The following PRB3 variants were observed in gnomAD, a reference collection of about 807,000 sequenced individuals.
PRB3 encodes proline rich protein BstNI subfamily 3.
A neutral mutation model predicts 10.0 loss-of-function variants in PRB3; 9 were observed. The ratio of observed to expected loss-of-function variants is 0.90; its 90% CI spans 0.54 to 1.57. PRB3 has a LOEUF of 1.57. Among genes scored for constraint, PRB3 ranks in the 40% most tolerant of loss-of-function variants. PRB3 has a pLI of 0.00. For synonymous variants in PRB3, 89 were observed against 138.6 expected, an observed-to-expected ratio of 0.64 and a Z score of 2.52; for missense variants, 285 against 385.5, an observed-to-expected ratio of 0.74 and a Z score of 2.18.
intron 3 of PRB3, 113 bp from the exon 4 acceptor site, chr12:11,266,142 A>T: frequency 2.6e-6 from 1 of 391,184 alleles, no homozygotes; most frequent in South Asian, 1.9e-5. Context: ...CTCTCTCCCC[A>T]ATCCCTTCAA....
At chr12:11,268,288 G>A in intron 2 of PRB3, 140 bp from the exon 3 acceptor site, 1 of 1,423,218 alleles carries the variant, frequency 7.0e-7, no homozygotes, top group Non-Finnish European at 9.7e-7. Flanking sequence ...GAACTCTGGA[G>A]TGGAATGCTG....
In PRB3 at chr12:11,267,920, G is replaced by T. The variant is rs1317016203; in HGVS notation, c.329C>A (p.Ser110Tyr). The T allele has an allele frequency of 6.5e-7, 1 of 1,543,262 alleles. No individual in the cohort carries two copies. The highest frequency in any genetic ancestry group is 1.8e-5 in the Admixed American group (1 of 54,790). Reference protein sequence around the residue: ...EGQPPQGGNQSQGPPPRPGKP... With the variant: ...EGQPPQGGNQYQGPPPRPGKP... Reference sequence around the variant, plus strand: ...TCCCGGACGAGGTGGGGGACCTTGGGACTGGTTTCCTCCTTGTGGGGGTTG... The same window carrying T: ...TCCCGGACGAGGTGGGGGACCTTGGTACTGGTTTCCTCCTTGTGGGGGTTG... Residue 110 changes from serine (S) to tyrosine (Y), a missense_variant, in exon 3 of 4, where the codon TCC becomes TAC. Ser to Tyr is a moderately radical substitution (Grantham distance 144, BLOSUM62 -2). Coordinates refer to ENST00000538488, the MANE Select transcript of PRB3 (RefSeq NM_001394862.1).
At chr12:11,269,570 G>C in intron 1 of PRB3, 36 bp downstream of exon 1, 3 of 1,610,550 alleles carry the variant, frequency 1.9e-6, no homozygotes, top group Non-Finnish European at 2.5e-6. Flanking sequence ...TAAGCCCCAA[G>C]CAGAGTCACC....
rs749750008 is a variant in PRB3, at chr12:11,267,368, T to A, written c.881A>T (p.Gln294Leu). The part of the protein sequence containing the change: ...HPGKPQGPPP[Q>L]EGNKPQRPPP... ...GGGACGTTGAGGTTTGTTACCTTCT[T>A]GTGGGGGTGGTCCTTGTGGCTTTCC... Residue 294 changes from glutamine to leucine, a missense_variant, in exon 3 of 4, where the codon CAA becomes CTA. Gln to Leu is a moderately radical substitution (Grantham distance 113, BLOSUM62 -2). Around this residue, in one of 3 missense-constraint regions of PRB3, gnomAD observed 108 missense variants for 106.9 expected, o/e 1.01. Transcript: ENST00000538488. 1.7e-5 allele frequency: 27 copies of A among 1,548,752 alleles called. No homozygotes were observed. The South Asian group carries it at 2.9e-4, about 17-fold the overall frequency.
intron 3 of PRB3, among the ~76,000 whole-genome samples, chr12:11,266,692 C>T (rs1286220478): frequency 6.6e-6 from 1 of 152,142 alleles, no homozygotes; most frequent in Non-Finnish European, 1.5e-5. Flanking sequence ...TCATATTTTT[C>T]CATTCCATTA....
rs375160745 is a variant in PRB3 at position 11,268,616 on chromosome 12, A to G, written c.100+17T>C. On this transcript the variant is annotated intron_variant, in intron 2 of 3. Transcript: ENST00000538488. ...AAGAAGATAGTTAAAACAGATTGAG[A>G]GTGAATTGGGATTTACCTGATATTA... 4.1e-5 allele frequency: 66 copies of G among 1,599,442 alleles called. No homozygotes were observed. Among genetic ancestry groups the G allele is most frequent in the Non-Finnish European group, 5.5e-5 (64 of 1,166,690 alleles).
In PRB3 at chr12:11,267,194, T is replaced by G. The variant is rs1288386891; in HGVS notation, c.1055A>C (p.Ter352SerextTer8). ...ATCATACCTGTCATTGAACCTTGAT[T>G]ACTGGGGAGGCTGTCCCTGGGGAGG... The part of the protein sequence containing the change: ...HRPPQGQPPQ[*>S] The change falls in exon 3 of 4, where the codon TAA becomes TCA. Residue 352 changes from the stop codon to serine (S), a stop_lost. Transcript: ENST00000538488. 1.2e-6 allele frequency: 2 copies of G among 1,610,162 alleles called. No homozygotes were observed. Among genetic ancestry groups the G allele is most frequent in the Non-Finnish European group, 1.7e-6 (2 of 1,176,574 alleles).
At position 11,265,925 on chromosome 12, in the gene PRB3, A is replaced by C. The variant is rs1948582700; in HGVS notation, c.*122T>G. 2.2e-6 allele frequency: 1 copy of C among 455,744 alleles called. No homozygotes were observed. Among genetic ancestry groups the C allele is most frequent in the Non-Finnish European group, 4.4e-6 (1 of 226,504 alleles). 28.2% of individuals were successfully genotyped at this position (455,744 alleles called of 1,614,324 possible). On this transcript the variant is annotated 3_prime_UTR_variant, in exon 4 of 4. Coordinates refer to ENST00000538488, the MANE Select transcript of PRB3 (RefSeq NM_001394862.1). ...AAGAGACACCACAATCAGAAATTGT[A>C]AGCTGTTTATTTTATTGGTATATTA...
intron 2 of PRB3, among the ~76,000 whole-genome samples, 159 bp downstream of exon 2, chr12:11,268,474 C>T (rs1160513491): frequency 6.6e-6 from 1 of 152,084 alleles, no homozygotes; most frequent in Non-Finnish European, 1.5e-5. Context: ...TGCTCATGGT[C>T]CCCAAAATCA....
chr12:11,269,441 A>G (rs1765644789), intron 1 of PRB3, among the ~76,000 whole-genome samples, 165 bp downstream of exon 1: 2 of 152,232 alleles, frequency 1.3e-5, no homozygotes, highest in African/African-American at 2.4e-5. Context: ...TAAATAAATT[A>G]GAAGCCCTTG....
intron 3 of PRB3, among the ~76,000 whole-genome samples, chr12:11,266,453 A>G (rs576981689): frequency 6.6e-6 from 1 of 152,340 alleles, no homozygotes; most frequent in African/African-American, 2.4e-5. Context: ...AAACCACTGA[A>G]GAGATGTATT....
At chr12:11,266,873 A>G (rs1343632681) in intron 3 of PRB3, among the ~76,000 whole-genome samples, 3 of 152,316 alleles carry the variant, frequency 2.0e-5, no homozygotes, top group Admixed American at 1.3e-4. Context: ...TTTAAATGCA[A>G]TATCTCTGAG....
intron 3 of PRB3, among the ~76,000 whole-genome samples, chr12:11,266,825 G>A (rs1007176893): frequency 5.9e-5 from 9 of 152,180 alleles, no homozygotes; most frequent in South Asian, 2.1e-4. Context: ...AGAGGCTGGC[G>A]TGAGGCAGGA....
At chr12:11,269,394 C>G (rs1225020977) in intron 1 of PRB3, among the ~76,000 whole-genome samples, 1 of 152,168 alleles carries the variant, frequency 6.6e-6, no homozygotes, top group East Asian at 1.9e-4. Context: ...TTCTCATTCC[C>G]CTGGTACAAA....
rs753690638 is a variant in PRB3, at chr12:11,268,126, T to A, written c.123A>T (p.Pro41=). ...VISGKPEGRR[P]QGGNQPQRTP... ...TACGTTGGGGCTGGTTTCCTCCTTG[T>A]GGGCGTCGTCCTTCTGGCTTTCCTG... Residue 41 remains proline, a synonymous_variant, in exon 3 of 4, where the codon CCA becomes CCT. Coordinates refer to ENST00000538488, the MANE Select transcript of PRB3 (RefSeq NM_001394862.1). 6.4e-6 allele frequency: 9 copies of A among 1,402,918 alleles called. No homozygotes were observed. In the South Asian group the frequency reaches 1.2e-4, roughly 19 times the overall value. The allele number at this position is 1,402,918 out of a possible 1,614,324, so 86.9% of individuals were successfully genotyped here.
At chr12:11,266,336 A>G (rs1323604590) in intron 3 of PRB3, among the ~76,000 whole-genome samples, 1 of 152,204 alleles carries the variant, frequency 6.6e-6, no homozygotes, top group Non-Finnish European at 1.5e-5. Context: ...CTATTTTATA[A>G]TAGTGATAAG....
At chr12:11,268,554 TGAGAA>T (rs1948619638) in intron 2 of PRB3, 74 bp downstream of exon 2, 2 of 1,489,094 alleles carry the variant, frequency 1.3e-6, no homozygotes, top group Admixed American at 3.3e-5. Flanking sequence ...AAAATGTTGG[TGAGAA>T]GACACTGGAG....
chr12:11,268,124 T>C lies in PRB3; in HGVS notation c.125A>G (p.Gln42Arg), dbSNP rs766355531. ...ISGKPEGRRP[Q>R]GGNQPQRTPP... ...GGTACGTTGGGGCTGGTTTCCTCCT[T>C]GTGGGCGTCGTCCTTCTGGCTTTCC... Residue 42 changes from glutamine (Q) to arginine (R), a missense_variant, in exon 3 of 4, where the codon CAA becomes CGA. This residue lies in a region of PRB3 where 147 missense variants were observed against 129.4 expected (regional missense o/e 1.14). Transcript: ENST00000538488. 1 of 1,408,560 alleles carries C rather than the reference T, an allele frequency of 7.1e-7. No homozygotes were observed. The highest frequency in any genetic ancestry group is 9.6e-7 in the Non-Finnish European group (1 of 1,046,712). 87.3% of individuals were successfully genotyped at this position (1,408,560 alleles called of 1,614,324 possible). A position where few individuals can be genotyped will look rare whatever the true frequency, so the allele number is the denominator to read the frequency against.
chr12:11,269,562 A>T (rs374647651), intron 1 of PRB3, 44 bp downstream of exon 1: 169 of 1,604,152 alleles, frequency 1.1e-4, no homozygotes, highest in Non-Finnish European at 1.3e-4. Flanking sequence ...TCACCTCCTA[A>T]GCCCCAAGCA....
Sources: gnomAD v4.1 joint callset for allele counts (sites outside exome capture counted in the v4.1 genomes callset) on GRCh38, gnomAD v4.1.1 for gene constraint, gnomAD v4.1.1 regional missense constraint, MANE v1.5 for transcripts, NCBI Gene and HGNC (gene_info 2026-07-23, HGNC 2026-07-21) for gene names.